PCNX2: variants seen among roughly 807,000 people sequenced by gnomAD.
The protein encoded by PCNX2 is pecanex 2, also known as pecanex-like protein 2.
A neutral mutation model predicts 223.8 loss-of-function variants in PCNX2; 168 were observed. The observed-to-expected ratio is 0.75, with a 90% confidence interval of 0.66 to 0.85. The LOEUF (loss-of-function observed/expected upper bound fraction) is 0.85. Ranked by LOEUF, PCNX2 falls within the 40% of genes least tolerant of loss-of-function variation. The pLI, the probability that PCNX2 is intolerant of heterozygous loss-of-function variation, is 0.00. For missense variants in PCNX2, 2,507 were observed against 2,675.5 expected (o/e 0.94, Z 1.39); for synonymous variants, 1,006 against 1,052.6 (o/e 0.96, Z 0.86).
At chr1:233,123,747 G>A (rs1324770688) in intron 21 of PCNX2, among the ~76,000 whole-genome samples, 1 of 152,138 alleles carries the variant, frequency 6.6e-6, no homozygotes, top group Non-Finnish European at 1.5e-5. Flanking sequence ...GAAAGAAAAT[G>A]TGGACTACTT....
intron 5 of PCNX2, among the ~76,000 whole-genome samples, chr1:233,257,505 TA>T (rs1659799873): frequency 6.6e-6 from 1 of 152,248 alleles, no homozygotes. Context: ...TCACCCTCGT[TA>T]ATACATGCAA....
intron 25 of PCNX2, among the ~76,000 whole-genome samples, chr1:233,030,695 G>T (rs765232591): frequency 2.0e-5 from 3 of 152,158 alleles, no homozygotes; most frequent in East Asian, 1.9e-4. Flanking sequence ...TCTTTTGGGG[G>T]TCTCAACTAA....
chr1:233,238,805 T>C (rs1658578053), intron 8 of PCNX2, among the ~76,000 whole-genome samples: 1 of 152,012 alleles, frequency 6.6e-6, no homozygotes, highest in Non-Finnish European at 1.5e-5. Context: ...CATGATGAAG[T>C]CAGGGTTTAG....
At chr1:233,200,504 C>T (rs954510154) in intron 13 of PCNX2, among the ~76,000 whole-genome samples, 10 of 151,244 alleles carry the variant, frequency 6.6e-5, no homozygotes, top group South Asian at 2.1e-4. Context: ...TCCTCTCACC[C>T]GGAGGAAACT....
intron 12 of PCNX2, among the ~76,000 whole-genome samples, chr1:233,217,059 TG>T (rs2102926310): frequency 6.6e-6 from 1 of 152,138 alleles, no homozygotes; most frequent in African/African-American, 2.4e-5. Flanking sequence ...CAGGAGGCAG[TG>T]GGATGGGGAA....
intron 12 of PCNX2, among the ~76,000 whole-genome samples, chr1:233,211,046 C>T (rs890930107): frequency 1.3e-5 from 2 of 152,212 alleles, no homozygotes; most frequent in African/African-American, 4.8e-5. Flanking sequence ...CCTAATTATC[C>T]TCTTAGAGAC....
At chr1:232,995,577 G>A (rs1179709058) in intron 32 of PCNX2, among the ~76,000 whole-genome samples, 1 of 152,130 alleles carries the variant, frequency 6.6e-6, no homozygotes, top group Non-Finnish European at 1.5e-5. Context: ...GTTGCTGGGG[G>A]GTGAAGGGGG....
intron 25 of PCNX2, among the ~76,000 whole-genome samples, chr1:233,049,411 A>G (rs1671921998): frequency 6.6e-6 from 1 of 152,240 alleles, no homozygotes; most frequent in African/African-American, 2.4e-5. Context: ...TAGACATGAA[A>G]AAAACCTTTC....
chr1:233,213,182 C>T (rs1486924600), intron 12 of PCNX2, among the ~76,000 whole-genome samples: 1 of 152,036 alleles, frequency 6.6e-6, no homozygotes, highest in Non-Finnish European at 1.5e-5. Context: ...TTCCAGTATC[C>T]ACCTCACCCT....
intron 28 of PCNX2, among the ~76,000 whole-genome samples, chr1:233,010,433 T>C (rs992400423): frequency 3.3e-5 from 5 of 152,228 alleles, no homozygotes; most frequent in African/African-American, 1.2e-4. Context: ...CTACTCTGAG[T>C]CAGTAAATTT....
chr1:233,027,040 C>T (rs555566608), intron 25 of PCNX2, among the ~76,000 whole-genome samples: 8 of 152,056 alleles, frequency 5.3e-5, no homozygotes, highest in South Asian at 4.2e-4. Context: ...CTGAGCATTC[C>T]GACATTTAAA....
At chr1:233,227,546 T>A (rs1657818187) in intron 9 of PCNX2, among the ~76,000 whole-genome samples, 175 bp from the exon 10 acceptor site, 1 of 151,766 alleles carries the variant, frequency 6.6e-6, no homozygotes, top group Non-Finnish European at 1.5e-5. Flanking sequence ...TCATTCAAAC[T>A]AAATACTCTA....
intron 1 of PCNX2, among the ~76,000 whole-genome samples, chr1:233,277,611 T>C (rs143243994): frequency 6.6e-6 from 1 of 152,230 alleles, no homozygotes; most frequent in East Asian, 1.9e-4. Context: ...AGGTAAGCTG[T>C]CCTATCTTGG....
At chr1:233,149,515 G>C (rs1677665719) in intron 19 of PCNX2, among the ~76,000 whole-genome samples, 1 of 152,170 alleles carries the variant, frequency 6.6e-6, no homozygotes, top group African/African-American at 2.4e-5. Context: ...ATCTGAGGCA[G>C]AGAGACTCTG....
chr1:233,118,792 A>G (rs981480788), intron 21 of PCNX2, among the ~76,000 whole-genome samples: 4 of 152,212 alleles, frequency 2.6e-5, no homozygotes, highest in Admixed American at 2.0e-4. Context: ...CTAAACTGAT[A>G]TAGAAGCTTA....
intron 26 of PCNX2, 97 bp from the exon 27 acceptor site, chr1:233,017,251 G>C: frequency 1.2e-6 from 1 of 849,524 alleles, no homozygotes; most frequent in Non-Finnish European, 1.8e-6. Context: ...CCTACATGTG[G>C]TATCATTTGT....
At chr1:233,097,375 G>GA (rs1366031689) in intron 21 of PCNX2, among the ~76,000 whole-genome samples, 1 of 151,942 alleles carries the variant, frequency 6.6e-6, no homozygotes, top group Non-Finnish European at 1.5e-5. Context: ...AAAATGACAG[G>GA]AAAACTAGAT....
intron 23 of PCNX2, among the ~76,000 whole-genome samples, chr1:233,073,186 C>A (rs565391274): frequency 1.3e-5 from 2 of 152,028 alleles, no homozygotes; most frequent in Admixed American, 6.6e-5. Context: ...TACAAGGGGT[C>A]GTAGAATTCT....
At chr1:233,120,189 TAAAAAGAAAAAAGA>T (rs1675698656) in intron 21 of PCNX2, among the ~76,000 whole-genome samples, 2 of 97,288 alleles carry the variant, frequency 2.1e-5, no homozygotes, top group South Asian at 6.3e-4. Flanking sequence ...AAAAAAGAAA[TAAAAAGAAAAAAGA>T]AAAAAAAAGA....
Sources: allele counts gnomAD v4.1 joint callset (sites outside exome capture counted in the v4.1 genomes callset), GRCh38; gene constraint gnomAD v4.1.1; transcripts MANE v1.5; gene names NCBI Gene and HGNC (gene_info 2026-07-23, HGNC 2026-07-21).